SAMD3: variants seen among roughly 807,000 people sequenced by gnomAD.
The protein encoded by SAMD3 is sterile alpha motif domain containing 3, also known as sterile alpha motif domain-containing protein 3.
In SAMD3, 63 loss-of-function variants were observed where a neutral mutation model predicts 58.5. The ratio of observed to expected loss-of-function variants is 1.08; its 90% confidence interval spans 0.88 to 1.33. The LOEUF is 1.33. Ranked by LOEUF, SAMD3 falls within the 40% of genes most tolerant of loss-of-function variation. SAMD3 has a pLI of 0.00. For synonymous variants in SAMD3, 220 were observed against 210.3 expected, an observed-to-expected ratio of 1.05 and a Z score of -0.40; for missense variants, 604 against 608.4, an observed-to-expected ratio of 0.99 and a Z score of 0.08.
rs536867023 is a variant in SAMD3, at chr6:130,365,347, G to GC, written c.-532dup. ...TCCATTTCCCCCGCCCATGGTTCTC[G>GC]CCCCCCCAAGCCGTTCTCCGGAACC... On this transcript the variant is annotated 5_prime_UTR_variant, in exon 1 of 14. Transcript: ENST00000368134. 912 of 985,276 alleles carry GC rather than the reference G, an allele frequency of 9.3e-4. 7 individuals carry two copies. In the African/African-American group the frequency reaches 0.014, roughly 15 times the overall value. The allele number at this position is 985,276 out of a possible 1,614,324, so 61.0% of individuals were successfully genotyped here. A position where few individuals can be genotyped will look rare whatever the true frequency, so the allele number is the denominator to read the frequency against.
At chr6:130,303,645 C>A (rs1274659423) in intron 2 of SAMD3, among the ~76,000 whole-genome samples, 1 of 152,092 alleles carries the variant, frequency 6.6e-6, no homozygotes, top group East Asian at 1.9e-4. Flanking sequence ...GCCACACATG[C>A]AAAAACACAT....
intron 2 of SAMD3, among the ~76,000 whole-genome samples, chr6:130,309,144 T>C (rs1583081720): frequency 6.6e-6 from 1 of 152,186 alleles, no homozygotes; most frequent in Non-Finnish European, 1.5e-5. Context: ...TCAAGCACTG[T>C]AGTCATAACT....
intron 1 of SAMD3, among the ~76,000 whole-genome samples, chr6:130,321,966 A>C (rs6909334): frequency 0.45 from 67,992 of 151,990 alleles, 17,608 homozygotes; most frequent in African/African-American, 0.72. Flanking sequence ...GATCAGGCAA[A>C]CACACTACTA....
At chr6:130,163,095 G>C (rs1790408471) in intron 8 of SAMD3, among the ~76,000 whole-genome samples, 2 of 151,866 alleles carry the variant, frequency 1.3e-5, no homozygotes, top group Admixed American at 1.3e-4. Flanking sequence ...TTCCCCCAGA[G>C]ATAGCCCAAA....
chr6:130,273,244 T>G (rs1774632485), intron 2 of SAMD3, among the ~76,000 whole-genome samples: 1 of 152,122 alleles, frequency 6.6e-6, no homozygotes, highest in Non-Finnish European at 1.5e-5. Flanking sequence ...AAGAGACCTT[T>G]TATCATTATA....
intron 1 of SAMD3, among the ~76,000 whole-genome samples, chr6:130,330,705 G>C (rs755957256): frequency 2.6e-5 from 4 of 152,202 alleles, no homozygotes; most frequent in Non-Finnish European, 5.9e-5. Context: ...AAAATTACTG[G>C]TGGAAGGGGT....
intron 7 of SAMD3, among the ~76,000 whole-genome samples, chr6:130,179,308 A>T (rs9375710): frequency 0.89 from 135,823 of 152,172 alleles, 60,774 homozygotes; most frequent in East Asian, 0.98. Flanking sequence ...AGGTAGGCAG[A>T]CTCAGTAGGA....
At chr6:130,152,011 G>A (rs1215514610) in intron 9 of SAMD3, among the ~76,000 whole-genome samples, 1 of 152,136 alleles carries the variant, frequency 6.6e-6, no homozygotes, top group African/African-American at 2.4e-5. Flanking sequence ...GTTACATTCT[G>A]AATTTTTAAA....
At chr6:130,262,448 A>G (rs1774174993) in intron 2 of SAMD3, among the ~76,000 whole-genome samples, 1 of 152,110 alleles carries the variant, frequency 6.6e-6, no homozygotes, top group Non-Finnish European at 1.5e-5. Context: ...TGTTAGAAAA[A>G]AAAAAAAGGA....
At chr6:130,215,479 A>T in intron 2 of SAMD3, 185 bp from the exon 3 acceptor site, 1 of 1,339,188 alleles carries the variant, frequency 7.5e-7, no homozygotes. Context: ...TCACTTTAAA[A>T]ATAAGACCTG....
upstream of SAMD3, among the ~76,000 whole-genome samples, chr6:130,225,892 A>C (rs921993156): frequency 6.6e-6 from 1 of 152,170 alleles, no homozygotes; most frequent in Admixed American, 6.5e-5. Flanking sequence ...CTAAGGAGAG[A>C]CGCCTAAGGA....
At chr6:130,335,198 G>T (rs939333263) in intron 1 of SAMD3, among the ~76,000 whole-genome samples, 1 of 152,166 alleles carries the variant, frequency 6.6e-6, no homozygotes, top group Non-Finnish European at 1.5e-5. Context: ...TACAGCCAAG[G>T]TTGTGGGTTC....
chr6:130,270,261 T>C (rs1774512009), intron 2 of SAMD3, among the ~76,000 whole-genome samples: 1 of 152,146 alleles, frequency 6.6e-6, no homozygotes, highest in Non-Finnish European at 1.5e-5. Flanking sequence ...CCTGGCTAAC[T>C]TTTGTATTTT....
intron 7 of SAMD3, chr6:130,176,311 T>C: frequency 6.1e-6 from 2 of 325,780 alleles, no homozygotes; most frequent in Non-Finnish European, 1.1e-5. Flanking sequence ...GATTTTCTAA[T>C]TCCCAAAAGT....
chr6:130,182,090 A>T (rs984149932), intron 7 of SAMD3, among the ~76,000 whole-genome samples: 1 of 141,214 alleles, frequency 7.1e-6, no homozygotes. Context: ...AAAAAAAACC[A>T]CAAGTTCTAT....
In SAMD3 at chr6:130,210,597, C is replaced by CA. The variant is rs768346534; in HGVS notation, c.270-990dup. Among the ~76,000 whole-genome samples, 432 of 114,012 alleles carry CA rather than the reference C, an allele frequency of 3.8e-3. 1 individual carries two copies. Among genetic ancestry groups the CA allele is most frequent in the East Asian group, 0.021 (84 of 3,926 alleles). 74.8% of individuals were successfully genotyped at this position (114,012 alleles called of 152,430 possible). On this transcript the variant is annotated intron_variant, in intron 4 of 11. Coordinates refer to ENST00000439090, the MANE Select transcript of SAMD3 (RefSeq NM_001017373.4). ...CTGGGCGACAAGAGAGAAACTCCAT[C>CA]AAAAAAAAAAAAAAAGGTCAGGTAT...
At chr6:130,265,964 T>C (rs1022901978) in intron 2 of SAMD3, among the ~76,000 whole-genome samples, 7 of 152,208 alleles carry the variant, frequency 4.6e-5, no homozygotes, top group African/African-American at 1.4e-4. Context: ...TTTAGGCTAC[T>C]TGGATTAAAA....
intron 2 of SAMD3, among the ~76,000 whole-genome samples, chr6:130,266,273 A>G (rs2114929909): frequency 6.6e-6 from 1 of 152,274 alleles, no homozygotes; most frequent in East Asian, 1.9e-4. Context: ...CAATTAGCTG[A>G]GCATGTAGCC....
At position 130,204,330 on chromosome 6, in the gene SAMD3, G is replaced by T. The variant is rs867404266; in HGVS notation, c.383+5165C>A. 2.9e-4 allele frequency among the ~76,000 whole-genome samples: 44 copies of T among 152,292 alleles called. 1 individual carries two copies. The highest frequency in any genetic ancestry group is 3.4e-3 in the Middle Eastern group (1 of 294). ...TCTTCCCAAAAAATCACCAGCACATGATGAGGATGGGACCTATTAATTCCT... is the reference window on the plus strand; with the variant it reads ...TCTTCCCAAAAAATCACCAGCACATTATGAGGATGGGACCTATTAATTCCT... On this transcript the variant is annotated intron_variant, in intron 5 of 11. Transcript: ENST00000439090.
Sources: allele counts gnomAD v4.1 joint callset (sites outside exome capture counted in the v4.1 genomes callset), GRCh38; gene constraint gnomAD v4.1.1; transcripts MANE v1.5; gene names NCBI Gene and HGNC (gene_info 2026-07-23, HGNC 2026-07-21).